The following RGS6 variants were observed in gnomAD, a reference collection of about 807,000 sequenced individuals.
RGS6 encodes the protein regulator of G protein signaling 6, also known as regulator of G-protein signaling 6.
Under a neutral mutation model 78.5 loss-of-function variants are expected in RGS6, and 30 were observed. The ratio of observed to expected loss-of-function variants is 0.38; its 90% CI spans 0.29 to 0.52. RGS6 has a LOEUF of 0.52. Among genes scored for constraint, RGS6 ranks in the 20% least tolerant of loss-of-function variants. The pLI is 0.85. For missense variants in RGS6, 495 were observed against 609.7 expected, an observed-to-expected ratio of 0.81 and a Z score of 1.98; for synonymous variants, 206 against 206.0, an observed-to-expected ratio of 1.00 and a Z score of 0.00.
At chr14:72,033,321 T>C (rs1325722745) in intron 2 of RGS6, among the ~76,000 whole-genome samples, 1 of 152,032 alleles carries the variant, frequency 6.6e-6, no homozygotes, top group Non-Finnish European at 1.5e-5. Context: ...GCAGCCTCAA[T>C]CCCCTGGGCT....
intron 2 of RGS6, among the ~76,000 whole-genome samples, chr14:72,284,590 T>G (rs1229997111): frequency 6.6e-6 from 1 of 152,218 alleles, no homozygotes; most frequent in Non-Finnish European, 1.5e-5. Flanking sequence ...GCAGAAGCTT[T>G]CTGTAGGGGT....
At chr14:71,983,326 C>T (rs1257316162) in intron 2 of RGS6, among the ~76,000 whole-genome samples, 2 of 152,232 alleles carry the variant, frequency 1.3e-5, no homozygotes, top group Non-Finnish European at 2.9e-5. Flanking sequence ...GAAACCTTAC[C>T]TGACTCCAGA....
At chr14:72,427,966 C>T (rs1169081263) in intron 3 of RGS6, among the ~76,000 whole-genome samples, 1 of 151,988 alleles carries the variant, frequency 6.6e-6, no homozygotes, top group African/African-American at 2.4e-5. Flanking sequence ...CCCTTCCAAC[C>T]CCAATTTAGG....
the RGS6 span, among the ~76,000 whole-genome samples, chr14:72,572,038 A>G: frequency 1.3e-5 from 2 of 152,202 alleles, no homozygotes. Flanking sequence ...CAAATAACCA[A>G]CAAGCACAGG....
chr14:72,289,537 G>A (rs190733889), intron 2 of RGS6, among the ~76,000 whole-genome samples: 236 of 152,238 alleles, frequency 1.6e-3, no homozygotes, highest in Non-Finnish European at 2.8e-3. Flanking sequence ...AAGTTCCTCA[G>A]GACATTATTG....
the RGS6 span, among the ~76,000 whole-genome samples, chr14:72,583,644 T>C: frequency 6.6e-6 from 1 of 152,180 alleles, no homozygotes; most frequent in Non-Finnish European, 1.5e-5. Context: ...AAGTGGAAAT[T>C]GCTTCCCTCT....
chr14:72,236,366 C>G (rs189972076), intron 2 of RGS6, among the ~76,000 whole-genome samples: 1 of 152,216 alleles, frequency 6.6e-6, no homozygotes, highest in East Asian at 1.9e-4. Flanking sequence ...GTTCAGCATG[C>G]TTATTATTAA....
At chr14:71,952,101 G>A (rs1374540227) in intron 1 of RGS6, among the ~76,000 whole-genome samples, 2 of 151,910 alleles carry the variant, frequency 1.3e-5, no homozygotes, top group African/African-American at 4.8e-5. Context: ...TAATTATCAC[G>A]ACTTGTATTT....
chr14:72,195,599 G>A (rs758529268), intron 2 of RGS6, among the ~76,000 whole-genome samples: 20 of 152,174 alleles, frequency 1.3e-4, no homozygotes, highest in Non-Finnish European at 2.2e-4. Flanking sequence ...GCGCTTGAAC[G>A]AAGAGCTGAA....
intron 2 of RGS6, among the ~76,000 whole-genome samples, chr14:72,215,392 T>C (rs1253488313): frequency 1.3e-5 from 2 of 152,220 alleles, no homozygotes; most frequent in East Asian, 1.9e-4. Context: ...GAAATGCTTG[T>C]TGCCCAGTGC....
intron 3 of RGS6, among the ~76,000 whole-genome samples, chr14:72,452,500 T>G (rs2095521855): frequency 6.6e-6 from 1 of 152,184 alleles, no homozygotes; most frequent in South Asian, 2.1e-4. Context: ...ATGTCTAGGC[T>G]TTCTGTCCTG....
chr14:71,992,590 T>C (rs1251270114), intron 2 of RGS6, among the ~76,000 whole-genome samples: 2 of 152,230 alleles, frequency 1.3e-5, no homozygotes, highest in African/African-American at 4.8e-5. Flanking sequence ...GGTTAGTAAA[T>C]AGAAAACTCA....
intron 2 of RGS6, among the ~76,000 whole-genome samples, chr14:71,972,566 A>G (rs1250372610): frequency 4.6e-5 from 7 of 152,152 alleles, no homozygotes. Flanking sequence ...CATTTGTCCA[A>G]AGTGGAGGAT....
At chr14:72,384,010 T>G (rs1365128736) in intron 3 of RGS6, among the ~76,000 whole-genome samples, 1 of 152,212 alleles carries the variant, frequency 6.6e-6, no homozygotes, top group Non-Finnish European at 1.5e-5. Flanking sequence ...GCATATTATA[T>G]TCTACATGGA....
At chr14:72,001,563 A>G (rs2083442720) in intron 2 of RGS6, among the ~76,000 whole-genome samples, 1 of 151,928 alleles carries the variant, frequency 6.6e-6, no homozygotes, top group Non-Finnish European at 1.5e-5. Flanking sequence ...CAACTCACCA[A>G]ACTAACTCTA....
intron 2 of RGS6, among the ~76,000 whole-genome samples, chr14:72,246,976 C>A (rs2054382619): frequency 6.6e-6 from 1 of 151,524 alleles, no homozygotes; most frequent in South Asian, 2.1e-4. Context: ...ATGATCCTCT[C>A]TGGCTGTCAG....
intron 2 of RGS6, among the ~76,000 whole-genome samples, chr14:72,212,595 T>C (rs2044443792): frequency 6.6e-6 from 1 of 152,236 alleles, no homozygotes; most frequent in South Asian, 2.1e-4. Context: ...AGTTTTGTAT[T>C]CTTGCTTTCT....
chr14:72,471,614 G>A (rs1419898392), intron 8 of RGS6, among the ~76,000 whole-genome samples: 1 of 152,208 alleles, frequency 6.6e-6, no homozygotes, highest in East Asian at 1.9e-4. Context: ...AGTTGGAAGT[G>A]ACCTGAGGCC....
the RGS6 span, among the ~76,000 whole-genome samples, chr14:71,882,090 C>A: frequency 6.6e-6 from 1 of 152,186 alleles, no homozygotes; most frequent in African/African-American, 2.4e-5. Flanking sequence ...TTCTGTATTC[C>A]TTAACTCTGT....
Sources: allele counts gnomAD v4.1 joint callset (sites outside exome capture counted in the v4.1 genomes callset), GRCh38; gene constraint gnomAD v4.1.1; transcripts MANE v1.5; gene names NCBI Gene and HGNC (gene_info 2026-07-23, HGNC 2026-07-21).